The following METAP1D variants were observed in gnomAD, a reference collection of about 807,000 sequenced individuals.
The protein encoded by METAP1D is methionyl aminopeptidase type 1D, mitochondrial.
A neutral mutation model predicts 40.5 loss-of-function variants in METAP1D; 31 were observed. The observed-to-expected ratio is 0.77, with a 90% confidence interval of 0.58 to 1.03. METAP1D has a LOEUF of 1.03. Among genes scored for constraint, METAP1D ranks in the 50% least tolerant of loss-of-function variants. The pLI, the probability that METAP1D is intolerant of heterozygous loss-of-function variation, is 0.00. For synonymous variants in METAP1D, 151 were observed against 146.4 expected, an observed-to-expected ratio of 1.03 and a Z score of -0.22; for missense variants, 411 against 420.7, an observed-to-expected ratio of 0.98 and a Z score of 0.20.
intron 6 of METAP1D, among the ~76,000 whole-genome samples, chr2:172,076,185 C>CA (rs762562116): frequency 0.02 from 2,768 of 136,212 alleles, 57 homozygotes; most frequent in Admixed American, 0.074. Context: ...CCTCTAAAAA[C>CA]AAAAAAAAAA....
chr2:172,018,918 T>G (rs1688942633), intron 1 of METAP1D, among the ~76,000 whole-genome samples: 1 of 152,230 alleles, frequency 6.6e-6, no homozygotes, highest in African/African-American at 2.4e-5. Context: ...TCTATAATCT[T>G]CTGACAGTTC....
intron 1 of METAP1D, among the ~76,000 whole-genome samples, chr2:172,036,574 C>G (rs1689392925): frequency 1.3e-5 from 2 of 151,600 alleles, no homozygotes; most frequent in Admixed American, 6.6e-5. Context: ...ACAGTGTTAG[C>G]CAGGATGGTC....
chr2:172,059,095 T>TTTTC (rs747687566), intron 1 of METAP1D, among the ~76,000 whole-genome samples: 2 of 151,286 alleles, frequency 1.3e-5, no homozygotes, highest in African/African-American at 2.4e-5. Flanking sequence ...TCTTTTTTCT[T>TTTTC]TTTCTTTCTT....
At chr2:172,028,148 G>C (rs895353124) in intron 1 of METAP1D, among the ~76,000 whole-genome samples, 4 of 149,524 alleles carry the variant, frequency 2.7e-5, no homozygotes, top group African/African-American at 9.7e-5. Context: ...CTAAGAGGGT[G>C]CCAGTAACTA....
intron 1 of METAP1D, among the ~76,000 whole-genome samples, chr2:172,045,322 T>C (rs1329482312): frequency 7.5e-6 from 1 of 133,294 alleles, no homozygotes; most frequent in African/African-American, 2.5e-5. Context: ...AATAAGGTAC[T>C]ATGTGATCCC....
chr2:172,053,071 A>G (rs788168), intron 1 of METAP1D, among the ~76,000 whole-genome samples: 31,961 of 152,258 alleles, frequency 0.21, 3,477 homozygotes, highest in Non-Finnish European at 0.23. Context: ...AAAAATCAAT[A>G]AAAGAGTTAT....
chr2:172,028,567 TGTGTGTGTGTG>T (rs1689172570), intron 1 of METAP1D, among the ~76,000 whole-genome samples: 1 of 146,736 alleles, frequency 6.8e-6, no homozygotes. Flanking sequence ...TGTGTGTGTG[TGTGTGTGTGTG>T]TGTGTGTGTG....
rs1364350756 is a variant in METAP1D at position 172,071,034 on chromosome 2, C to T, written c.668C>T (p.Ala223Val). ...GATGAAGCAATTGCAGCTTGCAGAG[C>T]AGGGGCTCCCTTCTCTGTAATTGGA... ...CRDEAIAACR[A>V]GAPFSVIGNT... The change falls in exon 6 of 10, where the codon GCA becomes GTA. Residue 223 changes from alanine to valine, a missense_variant. Ala to Val is a moderately conservative substitution (Grantham distance 64). Transcript: ENST00000315796. The T allele has an allele frequency of 6.2e-7, 1 of 1,612,066 alleles. No homozygotes were observed. The highest frequency in any genetic ancestry group is 8.5e-7 in the Non-Finnish European group (1 of 1,178,946).
intron 1 of METAP1D, among the ~76,000 whole-genome samples, chr2:172,038,819 G>A (rs1689452105): frequency 6.6e-6 from 1 of 152,136 alleles, no homozygotes; most frequent in African/African-American, 2.4e-5. Flanking sequence ...AGTCTGGTTG[G>A]CCAGAGGCAA....
At chr2:172,007,364 C>T (rs1688611992) in intron 1 of METAP1D, among the ~76,000 whole-genome samples, 1 of 151,854 alleles carries the variant, frequency 6.6e-6, no homozygotes, top group Admixed American at 6.6e-5. Flanking sequence ...TTATAAGTGG[C>T]ATGACAGATA....
At chr2:172,035,154 T>TTTGTTTG (rs1553492541) in intron 1 of METAP1D, among the ~76,000 whole-genome samples, 80 of 150,086 alleles carry the variant, frequency 5.3e-4, no homozygotes, top group Admixed American at 1.4e-3. Flanking sequence ...TGTGTTTTTT[T>TTTGTTTG]TTTGTTTGTT....
chr2:172,076,590 C>T (rs1690552249), intron 6 of METAP1D, among the ~76,000 whole-genome samples: 1 of 152,234 alleles, frequency 6.6e-6, no homozygotes. Flanking sequence ...AAAATTAAAT[C>T]TGAATAAGAG....
chr2:172,061,658 A>G lies in METAP1D; in HGVS notation c.198+3A>G, dbSNP rs762878700. 1.9e-6 allele frequency: 3 copies of G among 1,606,502 alleles called. No homozygotes were observed. Among genetic ancestry groups the G allele is most frequent in the South Asian group, 2.2e-5 (2 of 89,326 alleles). On this transcript the variant is annotated splice_donor_region_variant and intron_variant, in intron 2 of 9. Transcript: ENST00000315796. Reference sequence around the variant, plus strand: ...CTTCAGCTCATCCGGTTCCTAAGGTACTGTATTGCCTATTATCTCCTGCTT... The same window carrying G: ...CTTCAGCTCATCCGGTTCCTAAGGTGCTGTATTGCCTATTATCTCCTGCTT...
At chr2:172,024,780 G>C (rs1689089837) in intron 1 of METAP1D, among the ~76,000 whole-genome samples, 1 of 151,982 alleles carries the variant, frequency 6.6e-6, no homozygotes, top group African/African-American at 2.4e-5. Context: ...GTGTGTGTGT[G>C]TGTGTGTGTT....
intron 1 of METAP1D, among the ~76,000 whole-genome samples, chr2:172,032,517 A>C (rs1326595589): frequency 6.6e-6 from 1 of 152,234 alleles, no homozygotes. Context: ...AGAAGGAAAG[A>C]ATCAAGCCCT....
chr2:172,000,189 T>TA (rs1355859552), intron 1 of METAP1D, among the ~76,000 whole-genome samples, 180 bp downstream of exon 1: 1 of 152,170 alleles, frequency 6.6e-6, no homozygotes, highest in Non-Finnish European at 1.5e-5. Flanking sequence ...GGATCACACA[T>TA]ACAAATTTGT....
At chr2:172,069,780 C>T (rs1574141962) in intron 5 of METAP1D, among the ~76,000 whole-genome samples, 2 of 152,162 alleles carry the variant, frequency 1.3e-5, no homozygotes, top group African/African-American at 4.8e-5. Context: ...CCTCTATATT[C>T]TGCCACCAAC....
At chr2:172,024,508 T>C (rs962571471) in intron 1 of METAP1D, among the ~76,000 whole-genome samples, 5 of 152,050 alleles carry the variant, frequency 3.3e-5, no homozygotes, top group African/African-American at 1.2e-4. Context: ...TCCAGGCAGA[T>C]AAAAATTGGC....
In METAP1D at chr2:172,063,763, A is replaced by G; in HGVS notation, c.251A>G (p.Asp84Gly). The change falls in exon 3 of 10, where the codon GAC becomes GGC. Residue 84 changes from aspartate to glycine, a missense_variant. Physicochemically the swap from Asp to Gly is moderately conservative, Grantham distance 94. Coordinates refer to ENST00000315796, the MANE Select transcript of METAP1D (RefSeq NM_199227.3). Reference protein sequence around the residue: ...VTTGIVPDWGDSIEVKNEDQI... With the variant: ...VTTGIVPDWGGSIEVKNEDQI... ...ACAGGCATTGTACCAGACTGGGGAG[A>G]CAGCATAGAAGTTAAGAATGAAGAT... 1.9e-6 allele frequency: 3 copies of G among 1,614,106 alleles called. No homozygotes were observed. The highest frequency in any genetic ancestry group is 1.6e-4 in the Middle Eastern group (1 of 6,062).
Sources: allele counts gnomAD v4.1 joint callset (sites outside exome capture counted in the v4.1 genomes callset), GRCh38; gene constraint gnomAD v4.1.1; transcripts MANE v1.5; gene names NCBI Gene and HGNC (gene_info 2026-07-23, HGNC 2026-07-21).